The following PARD3 variants were observed in gnomAD, a reference collection of about 807,000 sequenced individuals.
PARD3 encodes the protein par-3 family cell polarity regulator.
Under a neutral mutation model 155.4 loss-of-function variants are expected in PARD3, and 75 were observed. That is an observed-to-expected ratio of 0.48 (90% CI 0.40 to 0.58). The LOEUF (loss-of-function observed/expected upper bound fraction) is 0.58. Among genes scored for constraint, PARD3 ranks in the 20% least tolerant of loss-of-function variants. The pLI, the probability that PARD3 is intolerant of heterozygous loss-of-function variation, is 0.00. For synonymous variants in PARD3, 576 were observed against 610.5 expected (o/e 0.94, Z 0.83); for missense variants, 1,642 against 1,721.7 (o/e 0.95, Z 0.82).
chr10:34,651,058 A>G (rs1167266806), intron 2 of PARD3, among the ~76,000 whole-genome samples: 1 of 139,358 alleles, frequency 7.2e-6, no homozygotes, highest in East Asian at 2.2e-4. Flanking sequence ...AAGGCAGTAC[A>G]CTGGCTCACA....
chr10:34,812,298 A>G (rs1474388410), intron 1 of PARD3, among the ~76,000 whole-genome samples: 1 of 152,164 alleles, frequency 6.6e-6, no homozygotes, highest in Non-Finnish European at 1.5e-5. Context: ...AGCCATAAAC[A>G]TGATCTGCCC....
chr10:34,382,169 G>A (rs1426966076), intron 9 of PARD3, among the ~76,000 whole-genome samples: 1 of 151,978 alleles, frequency 6.6e-6, no homozygotes, highest in Non-Finnish European at 1.5e-5. Context: ...AAATGGGGCA[G>A]TCAAAATGGT....
intron 1 of PARD3, among the ~76,000 whole-genome samples, chr10:34,736,478 G>A (rs557307665): frequency 2.0e-5 from 3 of 151,692 alleles, no homozygotes; most frequent in South Asian, 4.2e-4. Flanking sequence ...ACAGACACAT[G>A]CCACCACACC....
At chr10:34,783,370 C>T (rs973788220) in intron 1 of PARD3, among the ~76,000 whole-genome samples, 9 of 151,354 alleles carry the variant, frequency 5.9e-5, no homozygotes, top group Non-Finnish European at 1.2e-4. Flanking sequence ...TTTCGGAGGC[C>T]GAGGCGGGCA....
At chr10:34,202,313 TC>T (rs529114792) in intron 22 of PARD3, among the ~76,000 whole-genome samples, 40 of 152,320 alleles carry the variant, frequency 2.6e-4, no homozygotes, top group African/African-American at 9.6e-4. Context: ...CTTCAAGCAA[TC>T]CTCCAGCCTT....
chr10:34,526,338 A>G (rs1383783663), intron 2 of PARD3, among the ~76,000 whole-genome samples: 1 of 152,182 alleles, frequency 6.6e-6, no homozygotes, highest in Non-Finnish European at 1.5e-5. Flanking sequence ...ACTCCCAGGC[A>G]TAAGTCACAT....
intron 2 of PARD3, among the ~76,000 whole-genome samples, chr10:34,585,724 A>C (rs1316489534): frequency 6.6e-6 from 1 of 152,020 alleles, no homozygotes; most frequent in Non-Finnish European, 1.5e-5. Context: ...CTTTTGTAAA[A>C]TCCCATAACA....
At chr10:34,469,163 T>A (rs1589686689) in intron 4 of PARD3, among the ~76,000 whole-genome samples, 1 of 152,210 alleles carries the variant, frequency 6.6e-6, no homozygotes, top group Non-Finnish European at 1.5e-5. Flanking sequence ...CAGGCTAGAG[T>A]GCAGCGGCGT....
chr10:34,372,415 G>A (rs902345711), intron 12 of PARD3, 83 bp downstream of exon 12: 4 of 1,040,494 alleles, frequency 3.8e-6, no homozygotes, highest in Admixed American at 1.7e-5. Context: ...GGCAGGACAA[G>A]TAACTTCGTA....
intron 22 of PARD3, among the ~76,000 whole-genome samples, chr10:34,261,821 G>GAAACAAAC (rs1385294198): frequency 9.7e-5 from 10 of 102,804 alleles, no homozygotes; most frequent in African/African-American, 2.4e-4. Context: ...AAGAAAGAAA[G>GAAACAAAC]AAAGAAACAA....
chr10:34,495,532 G>A (rs1404894827), intron 3 of PARD3, among the ~76,000 whole-genome samples: 1 of 152,182 alleles, frequency 6.6e-6, no homozygotes, highest in Non-Finnish European at 1.5e-5. Flanking sequence ...TTAAGCATTT[G>A]CAAAATAAAA....
intron 1 of PARD3, among the ~76,000 whole-genome samples, chr10:34,697,766 A>AACAAACACACACAC (rs1554814487): frequency 6.8e-6 from 1 of 146,428 alleles, no homozygotes; most frequent in Admixed American, 6.8e-5. Context: ...TTGTAAAACA[A>AACAAACACACACAC]ACACTCACAC....
chr10:34,434,870 A>G (rs1325771571), intron 5 of PARD3, among the ~76,000 whole-genome samples: 1 of 152,204 alleles, frequency 6.6e-6, no homozygotes, highest in African/African-American at 2.4e-5. Flanking sequence ...AAATAACATC[A>G]TAACTATCAC....
intron 12 of PARD3, among the ~76,000 whole-genome samples, chr10:34,362,082 G>A (rs1171217140): frequency 3.3e-5 from 5 of 152,124 alleles, no homozygotes; most frequent in Non-Finnish European, 5.9e-5. Context: ...GGTGGATCAC[G>A]AGGTCAGGAG....
chr10:34,215,231 C>A (rs566493996), intron 22 of PARD3, among the ~76,000 whole-genome samples: 2 of 152,064 alleles, frequency 1.3e-5, no homozygotes, highest in Non-Finnish European at 2.9e-5. Context: ...GAGGTCAGCC[C>A]GGAAAATACA....
At chr10:34,813,793 G>C (rs1844528526) in intron 1 of PARD3, among the ~76,000 whole-genome samples, 1 of 152,196 alleles carries the variant, frequency 6.6e-6, no homozygotes, top group Non-Finnish European at 1.5e-5. Context: ...CAGGGGCCAG[G>C]CCACTGTCGG....
rs542792344 is a variant in PARD3 at position 34,763,304 on chromosome 10, G to T, written c.120+51572C>A. 5.2e-4 allele frequency among the ~76,000 whole-genome samples: 79 copies of T among 152,310 alleles called. 1 individual carries two copies. The highest frequency in any genetic ancestry group is 3.3e-3 in the South Asian group (16 of 4,828). The stretch of plus-strand genomic sequence containing the variant: ...AGTATTTTTGCCCAGTGTTGACAGT[G>T]CATGGGCAATGCATTCCTGAAATAG... On this transcript the variant is annotated intron_variant, in intron 1 of 24. Coordinates refer to ENST00000374788, the MANE Select transcript of PARD3 (RefSeq NM_001184785.2).
At chr10:34,156,428 T>C (rs1398854546) in intron 22 of PARD3, among the ~76,000 whole-genome samples, 1 of 152,210 alleles carries the variant, frequency 6.6e-6, no homozygotes, top group Non-Finnish European at 1.5e-5. Context: ...AGCAGCCATG[T>C]GTTCTAGATT....
At chr10:34,639,113 C>T (rs1254376413) in intron 2 of PARD3, among the ~76,000 whole-genome samples, 1 of 152,084 alleles carries the variant, frequency 6.6e-6, no homozygotes, top group African/African-American at 2.4e-5. Flanking sequence ...TACCAAATTA[C>T]ACCTGGGTGC....
Sources: gnomAD v4.1 joint callset for allele counts (sites outside exome capture counted in the v4.1 genomes callset) on GRCh38, gnomAD v4.1.1 for gene constraint, MANE v1.5 for transcripts, NCBI Gene and HGNC (gene_info 2026-07-23, HGNC 2026-07-21) for gene names.